Variants in SDC3 observed in about 807,000 individuals in gnomAD.
The protein encoded by SDC3 is syndecan-3.
In SDC3, 13 loss-of-function variants were observed where a neutral mutation model predicts 24.4. The observed-to-expected ratio is 0.53, with a 90% confidence interval of 0.35 to 0.85. The LOEUF (loss-of-function observed/expected upper bound fraction) is 0.85. Ranked by LOEUF, SDC3 falls within the 40% of genes least tolerant of loss-of-function variation. The probability of loss-of-function intolerance (pLI) is 0.01; values close to 1 mark genes in which losing one functional copy is unlikely to be tolerated. For missense variants in SDC3, 571 were observed against 584.5 expected (o/e 0.98, Z 0.24); for synonymous variants, 295 against 260.9 (o/e 1.13, Z -1.26).
chr1:30,896,321 C>A (rs758399512), intron 1 of SDC3, among the ~76,000 whole-genome samples: 8 of 152,184 alleles, frequency 5.3e-5, no homozygotes, highest in Non-Finnish European at 8.8e-5. Context: ...CAAGTGAGAG[C>A]TCCAAGGTGG....
rs879599171 is a variant in SDC3, at chr1:30,878,827, G to A, written c.139-87C>T. ...AGAAGGGCGACAGGTGCCCTTGTGG[G>A]CTGAGTGACATCCACGTGGGTGACA... On this transcript the variant is annotated intron_variant, in intron 1 of 4. Transcript: ENST00000339394. 4 of 1,009,268 alleles carry A rather than the reference G, an allele frequency of 4.0e-6. No individual in the cohort carries two copies. In the Admixed American group the frequency reaches 7.3e-5, roughly 18 times the overall value. The allele number at this position is 1,009,268 out of a possible 1,614,324, so 62.5% of individuals were successfully genotyped here. A position where few individuals can be genotyped will look rare whatever the true frequency, so the allele number is the denominator to read the frequency against.
rs1389836401 is a variant in SDC3 at position 30,884,495 on chromosome 1, T to TC, written c.139-5756_139-5755insG. On this transcript the variant is annotated intron_variant, in intron 1 of 4. Transcript: ENST00000339394. Reference sequence around the variant, plus strand: ...CAGAGCCCTCCCTACCCCAAGCCTGTATCTCTCCTGTCACCTCCAGTCTGC... The same window carrying TC: ...CAGAGCCCTCCCTACCCCAAGCCTGTCATCTCTCCTGTCACCTCCAGTCTGC... 2.0e-4 allele frequency among the ~76,000 whole-genome samples: 30 copies of TC among 152,192 alleles called. No homozygotes were observed. The South Asian group carries it at 6.0e-3, about 31-fold the overall frequency.
At chr1:30,901,797 C>T (rs756574545) in intron 1 of SDC3, among the ~76,000 whole-genome samples, 1 of 105,320 alleles carries the variant, frequency 9.5e-6, no homozygotes, top group Non-Finnish European at 2.0e-5. Flanking sequence ...GAACAAAAAC[C>T]AAGGCAGGTG....
At chr1:30,904,902 A>G (rs537159890) in intron 1 of SDC3, among the ~76,000 whole-genome samples, 1 of 152,226 alleles carries the variant, frequency 6.6e-6, no homozygotes, top group Non-Finnish European at 1.5e-5. Context: ...CCAAGTCACA[A>G]CATCCCTGTG....
chr1:30,903,024 T>C (rs1250041193), intron 1 of SDC3, among the ~76,000 whole-genome samples: 1 of 152,178 alleles, frequency 6.6e-6, no homozygotes, highest in Non-Finnish European at 1.5e-5. Flanking sequence ...TGAGAAAACA[T>C]GGCAGCCACG....
rs867138422 is a variant in SDC3 at position 30,870,030 on chromosome 1, C to G, written c.*3181G>C. 1 of 397,706 alleles carries G rather than the reference C, an allele frequency of 2.5e-6. No individual in the cohort carries two copies. The highest frequency in any genetic ancestry group is 4.4e-6 in the Non-Finnish European group (1 of 226,046). 24.6% of individuals were successfully genotyped at this position (397,706 alleles called of 1,614,324 possible). The stretch of plus-strand genomic sequence containing the variant: ...CGGGCTTCTATTTACAGGCAAGAGG[C>G]CTGGGGAGGCAAGTCCAGGGTTGTA... On this transcript the variant is annotated 3_prime_UTR_variant, in exon 5 of 5. Coordinates refer to ENST00000339394, the MANE Select transcript of SDC3 (RefSeq NM_014654.4).
chr1:30,880,892 A>G (rs1639733359), intron 1 of SDC3: 1 of 151,882 alleles, frequency 6.6e-6, no homozygotes, highest in African/African-American at 2.4e-5. Flanking sequence ...CCATTCCCTT[A>G]AAGGAGAACT....
chr1:30,885,914 C>T (rs983803918), intron 1 of SDC3, among the ~76,000 whole-genome samples: 1 of 152,194 alleles, frequency 6.6e-6, no homozygotes, highest in Non-Finnish European at 1.5e-5. Flanking sequence ...GAAAGCCAGG[C>T]CCCCTCCTCA....
Position 30,878,812 on chromosome 1 carries a change from C to T in SDC3, c.139-72G>A, listed in dbSNP as rs1460125397. 6 of 1,261,390 alleles carry T rather than the reference C, an allele frequency of 4.8e-6. No homozygotes were observed. The East Asian group carries it at 1.4e-4, about 29-fold the overall frequency. The allele number at this position is 1,261,390 out of a possible 1,614,324, so 78.1% of individuals were successfully genotyped here. On this transcript the variant is annotated intron_variant, in intron 1 of 4. Transcript: ENST00000339394. ...AGCCTGGGTGAGCCCAGAAGGGCGACAGGTGCCCTTGTGGGCTGAGTGACA... is the reference window on the plus strand; with the variant it reads ...AGCCTGGGTGAGCCCAGAAGGGCGATAGGTGCCCTTGTGGGCTGAGTGACA...
At chr1:30,875,634 G>C (rs558958070) in intron 3 of SDC3, among the ~76,000 whole-genome samples, 4 of 152,260 alleles carry the variant, frequency 2.6e-5, no homozygotes, top group African/African-American at 9.6e-5. Context: ...TCATGTCCTT[G>C]GGATTCATCC....
In SDC3 at chr1:30,871,770, T is replaced by C. The variant is rs943202725; in HGVS notation, c.*1441A>G. On this transcript the variant is annotated 3_prime_UTR_variant, in exon 5 of 5. Coordinates refer to ENST00000339394, the MANE Select transcript of SDC3 (RefSeq NM_014654.4). ...AGGGAGATAAAGGAGCCCAACCACA[T>C]GCCCCCTCCCTGCCCTGGGCCTTCC... 3 of 152,334 alleles carry C rather than the reference T, an allele frequency of 2.0e-5. No individual in the cohort carries two copies. In the East Asian group the frequency reaches 5.8e-4, roughly 29 times the overall value. The allele number at this position is 152,334 out of a possible 1,614,324, so 9.4% of individuals were successfully genotyped here. A position where few individuals can be genotyped will look rare whatever the true frequency, so the allele number is the denominator to read the frequency against.
chr1:30,878,216 G>T (rs1639681790), intron 2 of SDC3: 1 of 162,506 alleles, frequency 6.2e-6, no homozygotes, highest in Non-Finnish European at 1.3e-5. Flanking sequence ...CAGCTGACCT[G>T]GCTCCCCTTC....
chr1:30,889,989 T>A (rs914114072), intron 1 of SDC3, among the ~76,000 whole-genome samples: 4 of 152,072 alleles, frequency 2.6e-5, no homozygotes, highest in African/African-American at 4.8e-5. Flanking sequence ...GTTCATACAA[T>A]GGAATATTAT....
chr1:30,876,528 C>G (rs1344871649), intron 3 of SDC3, 24 bp downstream of exon 3: 1 of 1,506,304 alleles, frequency 6.6e-7, no homozygotes, highest in Non-Finnish European at 8.9e-7. Flanking sequence ...CGCCCTCCTC[C>G]CTGTCCCTTC....
At position 30,905,671 on chromosome 1, in the gene SDC3, T is replaced by C. The variant is rs146430236; in HGVS notation, c.138+2778A>G. On this transcript the variant is annotated intron_variant, in intron 1 of 4. Transcript: ENST00000339394. ...AAACAAGACTAACACCTAAGATCCC[T>C]TCCAGCCCTGGACTTTTGAAAGAAC... Among the ~76,000 whole-genome samples the C allele has an allele frequency of 1.2e-4, 18 of 152,148 alleles. No individual in the cohort carries two copies. In the East Asian group the frequency reaches 3.5e-3, roughly 30 times the overall value.
intron 2 of SDC3, chr1:30,877,558 C>A (rs1207801482): frequency 1.2e-5 from 5 of 424,344 alleles, no homozygotes; most frequent in South Asian, 8.4e-5. Context: ...CCCAAAGGCA[C>A]CCCTACCACA....
At position 30,872,966 on chromosome 1, in the gene SDC3, T is replaced by G. The variant is rs946388676; in HGVS notation, c.*245A>C. On this transcript the variant is annotated 3_prime_UTR_variant, in exon 5 of 5. Coordinates refer to ENST00000339394, the MANE Select transcript of SDC3 (RefSeq NM_014654.4). ...GACATGAGGTCCTGAAGCCCCAGAC[T>G]GGTGGCAGGGATGAGGGGAACAAGA... 2.5e-5 allele frequency: 13 copies of G among 513,280 alleles called. No homozygotes were observed. The highest frequency in any genetic ancestry group is 4.5e-5 in the Non-Finnish European group (13 of 290,642). The allele number at this position is 513,280 out of a possible 1,614,324, so 31.8% of individuals were successfully genotyped here.
At position 30,902,189 on chromosome 1, in the gene SDC3, C is replaced by T. The variant is rs116920131; in HGVS notation, c.138+6260G>A. On this transcript the variant is annotated intron_variant, in intron 1 of 4. Coordinates refer to ENST00000339394, the MANE Select transcript of SDC3 (RefSeq NM_014654.4). ...ACCTGGTATAAAAGGCCAGCATAGG[C>T]GTTTCCTGCCCTCCACCCACAGCAG... Among the ~76,000 whole-genome samples, 129 of 152,320 alleles carry T rather than the reference C, an allele frequency of 8.5e-4. 1 individual carries two copies. In the East Asian group the frequency reaches 0.012, roughly 14 times the overall value.
intron 1 of SDC3, among the ~76,000 whole-genome samples, chr1:30,884,072 G>A (rs1182402633): frequency 6.6e-6 from 1 of 152,168 alleles, no homozygotes; most frequent in African/African-American, 2.4e-5. Context: ...ACCAGGAGGG[G>A]GATGTCTCAG....
Sources: gnomAD v4.1 joint callset for allele counts (sites outside exome capture counted in the v4.1 genomes callset) on GRCh38, gnomAD v4.1.1 for gene constraint, MANE v1.5 for transcripts, NCBI Gene and HGNC (gene_info 2026-07-23, HGNC 2026-07-21) for gene names.